The following SYF2 variants were observed in gnomAD, a reference collection of about 807,000 sequenced individuals.
SYF2 encodes the protein pre-mRNA-splicing factor SYF2.
A neutral mutation model predicts 32.7 loss-of-function variants in SYF2; 21 were observed. That is an observed-to-expected ratio of 0.64 (90% CI 0.45 to 0.92). The LOEUF is 0.92. Among genes scored for constraint, SYF2 ranks in the 40% least tolerant of loss-of-function variants. SYF2 has a pLI of 0.00. For missense variants in SYF2, 278 were observed against 296.5 expected, an observed-to-expected ratio of 0.94 and a Z score of 0.46; for synonymous variants, 114 against 103.9, an observed-to-expected ratio of 1.10 and a Z score of -0.59.
chr1:25,227,812 G>C (rs1638542549), intron 4 of SYF2, among the ~76,000 whole-genome samples: 1 of 151,976 alleles, frequency 6.6e-6, no homozygotes, highest in Non-Finnish European at 1.5e-5. Flanking sequence ...TTCATACTAG[G>C]GATACTCAAT....
intron 2 of SYF2, chr1:25,231,339 T>C (rs2124514242): frequency 6.6e-6 from 1 of 152,400 alleles, no homozygotes; most frequent in South Asian, 2.1e-4. Context: ...TGCTTTTCTC[T>C]TTCTCTGCTC....
chr1:25,231,496 A>C (rs190294039), intron 2 of SYF2: 1 of 153,570 alleles, frequency 6.5e-6, no homozygotes, highest in East Asian at 1.9e-4. Context: ...CTACTACATG[A>C]GGCACCCCCT....
chr1:25,232,319 C>A, intron 1 of SYF2, 108 bp from the exon 2 acceptor site: 1 of 1,587,038 alleles, frequency 6.3e-7, no homozygotes, highest in Non-Finnish European at 8.6e-7. Flanking sequence ...GCCTCCACCG[C>A]CGACTTGACC....
At chr1:25,229,445 T>C (rs1395220041) in intron 2 of SYF2, among the ~76,000 whole-genome samples, 3 of 152,144 alleles carry the variant, frequency 2.0e-5, no homozygotes, top group Non-Finnish European at 2.9e-5. Flanking sequence ...TTGGAGACCA[T>C]ACTATAGTGG....
rs770904377 is a variant in SYF2 at position 25,232,398 on chromosome 1, G to A, written c.24+46C>T. 6.2e-6 allele frequency: 10 copies of A among 1,613,990 alleles called. No individual in the cohort carries two copies. The African/African-American group carries it at 1.1e-4, about 17-fold the overall frequency. On this transcript the variant is annotated intron_variant, in intron 1 of 6. Transcript: ENST00000236273. ...CCACCTCTCTCCAGGCCGCTCCCCGGAACCCTCACCAACAAAACCCCCGGT... is the reference window on the plus strand; with the variant it reads ...CCACCTCTCTCCAGGCCGCTCCCCGAAACCCTCACCAACAAAACCCCCGGT...
chr1:25,228,144 CTCT>C lies in SYF2; in HGVS notation c.347_349del (p.Lys116del). 4 of 1,613,854 alleles carry C rather than the reference CTCT, an allele frequency of 2.5e-6. No individual in the cohort carries two copies. Among genetic ancestry groups the C allele is most frequent in the Non-Finnish European group, 3.4e-6 (4 of 1,179,956 alleles). ...TGAAAATCCCAGATCAGGGTTTTTC[CTCT>C]TCTTTTTCCTCTCCCATCTTTCTGC... On this transcript the variant is annotated inframe_deletion, in exon 4 of 7. Coordinates refer to ENST00000236273, the MANE Select transcript of SYF2 (RefSeq NM_015484.5).
intron 2 of SYF2, 74 bp downstream of exon 2, chr1:25,232,030 T>C: frequency 2.8e-6 from 4 of 1,450,104 alleles, no homozygotes; most frequent in Non-Finnish European, 2.9e-6. Flanking sequence ...GTGGTGTGGC[T>C]TCCTCGTCCC....
In SYF2 at chr1:25,232,473, C is replaced by T; in HGVS notation, c.-6G>A. The T allele has an allele frequency of 6.2e-7, 1 of 1,614,226 alleles. No individual in the cohort carries two copies. Among genetic ancestry groups the T allele is most frequent in the Non-Finnish European group, 8.5e-7 (1 of 1,180,046 alleles). ...GATGCAGCTATAGCCGCCATCACAA[C>T]CTTTCTCTCTTCCCACTTCCGGCAA... is the stretch of plus-strand genomic sequence containing the variant. On this transcript the variant is annotated 5_prime_UTR_variant, in exon 1 of 7. Coordinates refer to ENST00000236273, the MANE Select transcript of SYF2 (RefSeq NM_015484.5).
Position 25,232,117 on chromosome 1 carries a change from A to G in SYF2, c.119T>C (p.Leu40Pro). The G allele has an allele frequency of 1.2e-6, 2 of 1,613,906 alleles. No individual in the cohort carries two copies. Among genetic ancestry groups the G allele is most frequent in the Non-Finnish European group, 1.7e-6 (2 of 1,179,962 alleles). ...REQRLRKFRE[L>P]HLMRNEARKL... ...AAGACTACTCACCCGCATCAGGTGCAGCTCCCGGAATTTGCGCAGTCTCTG... is the reference window on the plus strand; with the variant it reads ...AAGACTACTCACCCGCATCAGGTGCGGCTCCCGGAATTTGCGCAGTCTCTG... Residue 40 changes from leucine to proline, a missense_variant, in exon 2 of 7, where the codon CTG becomes CCG. Leu to Pro is a moderately conservative substitution (Grantham distance 98, BLOSUM62 -3). Coordinates refer to ENST00000236273, the MANE Select transcript of SYF2 (RefSeq NM_015484.5).
chr1:25,231,901 G>A (rs1346467813), intron 2 of SYF2: 1 of 651,910 alleles, frequency 1.5e-6, no homozygotes, highest in Non-Finnish European at 2.8e-6. Flanking sequence ...AGAGGGGCTG[G>A]AGTGAACAGT....
At chr1:25,223,764 G>A (rs1449624158) in intron 6 of SYF2, among the ~76,000 whole-genome samples, 1 of 152,092 alleles carries the variant, frequency 6.6e-6, no homozygotes, top group Non-Finnish European at 1.5e-5. Context: ...TGGAGGACAA[G>A]GCCTCCCAAA....
At position 25,232,215 on chromosome 1, in the gene SYF2, C is replaced by T. The variant is rs756595687; in HGVS notation, c.25-4G>A. On this transcript the variant is annotated splice_region_variant and splice_polypyrimidine_tract_variant and intron_variant, in intron 1 of 6. Transcript: ENST00000236273. ...CCTCCGCGCTGTCCACCAGCACCTG[C>T]GACAAGGAGAACTGGCTTCAGGCAG... 15 of 1,612,568 alleles carry T rather than the reference C, an allele frequency of 9.3e-6. No individual in the cohort carries two copies. In the South Asian group the frequency reaches 1.6e-4, roughly 18 times the overall value.
At chr1:25,227,288 A>G in intron 5 of SYF2, 154 bp downstream of exon 5, 1 of 668,442 alleles carries the variant, frequency 1.5e-6, no homozygotes, top group Non-Finnish European at 2.4e-6. Flanking sequence ...CTCCATCTCA[A>G]AGGAAAAAAA....
chr1:25,230,246 C>CAAATGAA (rs1638600634), intron 2 of SYF2: 1 of 150,680 alleles, frequency 6.6e-6, no homozygotes, highest in South Asian at 2.1e-4. Flanking sequence ...TTTGCATTGA[C>CAAATGAA]AAATGAAAAA....
chr1:25,231,172 A>C (rs1638622271), intron 2 of SYF2: 1 of 152,236 alleles, frequency 6.6e-6, no homozygotes, highest in Non-Finnish European at 1.5e-5. Flanking sequence ...ATTTGTTAAT[A>C]ACAGTCACTG....
intron 5 of SYF2, among the ~76,000 whole-genome samples, chr1:25,226,769 G>A (rs1172807558): frequency 1.3e-5 from 2 of 152,166 alleles, no homozygotes; most frequent in African/African-American, 4.8e-5. Flanking sequence ...AGGATCACTT[G>A]AGGCCAGGAG....
At chr1:25,231,448 T>C (rs1442364975) in intron 2 of SYF2, 1 of 152,460 alleles carries the variant, frequency 6.6e-6, no homozygotes, top group East Asian at 1.9e-4. Flanking sequence ...TCTAACTCCT[T>C]TAGTTGTCTG....
intron 2 of SYF2, chr1:25,231,340 T>C (rs1288037991): frequency 1.3e-5 from 2 of 152,270 alleles, no homozygotes; most frequent in Non-Finnish European, 2.9e-5. Flanking sequence ...GCTTTTCTCT[T>C]TCTCTGCTCC....
At chr1:25,229,733 CT>C (rs1258160884) in intron 2 of SYF2, among the ~76,000 whole-genome samples, 2 of 150,656 alleles carry the variant, frequency 1.3e-5, no homozygotes. Flanking sequence ...TGAGATTGCA[CT>C]ACTGCACTAC....
Sources: allele counts gnomAD v4.1 joint callset (sites outside exome capture counted in the v4.1 genomes callset), GRCh38; gene constraint gnomAD v4.1.1; transcripts MANE v1.5; gene names NCBI Gene and HGNC (gene_info 2026-07-23, HGNC 2026-07-21).